The following SMOC2 variants were observed in gnomAD, a reference collection of about 807,000 sequenced individuals.
SMOC2 encodes the protein SPARC related modular calcium binding 2.
SMOC2 carries 39 observed loss-of-function variants against 61.4 expected under a neutral mutation model. The ratio of observed to expected loss-of-function variants is 0.64; its 90% CI spans 0.49 to 0.83. SMOC2 has a LOEUF of 0.83. Among genes scored for constraint, SMOC2 ranks in the 40% least tolerant of loss-of-function variants. The pLI is 0.00. For synonymous variants in SMOC2, 247 were observed against 239.9 expected, an observed-to-expected ratio of 1.03 and a Z score of -0.27; for missense variants, 556 against 592.9, an observed-to-expected ratio of 0.94 and a Z score of 0.65.
At chr6:168,624,792 CACAG>C (rs1198146359) in intron 9 of SMOC2, among the ~76,000 whole-genome samples, 1 of 114,064 alleles carries the variant, frequency 8.8e-6, no homozygotes, top group Non-Finnish European at 1.9e-5. Context: ...TACAGATACA[CACAG>C]ACACATGCAC....
At chr6:168,525,666 G>A (rs921610657) in intron 2 of SMOC2, among the ~76,000 whole-genome samples, 3 of 152,142 alleles carry the variant, frequency 2.0e-5, no homozygotes, top group East Asian at 1.9e-4. Flanking sequence ...CTGGGGCAGA[G>A]GATGAGGCTT....
intron 2 of SMOC2, 85 bp from the exon 3 acceptor site, chr6:168,526,261 T>C: frequency 8.0e-7 from 1 of 1,253,902 alleles, no homozygotes; most frequent in Non-Finnish European, 1.2e-6. Flanking sequence ...GCCTAACTCA[T>C]GCCTTCACAT....
In SMOC2 at chr6:168,497,563, C is replaced by T. The variant is rs546009045; in HGVS notation, c.85-12352C>T. Among the ~76,000 whole-genome samples the T allele has an allele frequency of 5.9e-5, 9 of 152,196 alleles. No homozygotes were observed. In the East Asian group the frequency reaches 9.7e-4, roughly 16 times the overall value. ...AGTGGGCACGCAGATCCCTCAGTGA[C>T]GGGGGAAGCAGGTTCCTAGGAGTCC... On this transcript the variant is annotated intron_variant, in intron 1 of 12. Coordinates refer to ENST00000356284, the MANE Select transcript of SMOC2 (RefSeq NM_001166412.2).
intron 2 of SMOC2, among the ~76,000 whole-genome samples, chr6:168,519,957 C>T (rs906374656): frequency 6.6e-6 from 1 of 152,040 alleles, no homozygotes; most frequent in Non-Finnish European, 1.5e-5. Flanking sequence ...AATTTTGTTT[C>T]TGCCTTTATG....
At chr6:168,617,593 T>A (rs1459964885) in intron 9 of SMOC2, among the ~76,000 whole-genome samples, 5 of 152,180 alleles carry the variant, frequency 3.3e-5, no homozygotes, top group Non-Finnish European at 7.3e-5. Flanking sequence ...CTGTCTCTGC[T>A]CCAAGCTCTC....
intron 4 of SMOC2, 62 bp downstream of exon 4, chr6:168,527,789 C>T (rs1374474476): frequency 4.5e-6 from 5 of 1,118,334 alleles, no homozygotes; most frequent in South Asian, 1.3e-5. Context: ...CGTTTCTTCT[C>T]ATCATCTTCC....
chr6:168,460,425 A>G (rs1781693563), intron 1 of SMOC2, among the ~76,000 whole-genome samples: 2 of 152,258 alleles, frequency 1.3e-5, no homozygotes, highest in Admixed American at 6.5e-5. Flanking sequence ...GAACATTGCT[A>G]TAATGAGGAC....
rs544834495 is a variant in SMOC2 at position 168,527,829 on chromosome 6, C to A, written c.463+102C>A. ...GTTTACTGATAATTCAAAGGGAAATCCAGTTTGGCCGGCATTGTGAGCCAC... is the reference window on the plus strand; with the variant it reads ...GTTTACTGATAATTCAAAGGGAAATACAGTTTGGCCGGCATTGTGAGCCAC... On this transcript the variant is annotated intron_variant, in intron 4 of 12. Coordinates refer to ENST00000356284, the MANE Select transcript of SMOC2 (RefSeq NM_001166412.2). 1.6e-3 allele frequency: 1,401 copies of A among 853,184 alleles called. 4 individuals are homozygous for A. The highest frequency in any genetic ancestry group is 2.3e-3 in the South Asian group (152 of 66,972). 52.9% of individuals were successfully genotyped at this position (853,184 alleles called of 1,614,324 possible).
chr6:168,513,936 G>GTCTTCAGACTCTCCTA (rs1783069529), intron 2 of SMOC2, among the ~76,000 whole-genome samples: 1 of 152,200 alleles, frequency 6.6e-6, no homozygotes, highest in African/African-American at 2.4e-5. Context: ...CGCCCGGCCT[G>GTCTTCAGACTCTCCTA]TCTTCAGACT....
intron 1 of SMOC2, among the ~76,000 whole-genome samples, chr6:168,506,009 G>A (rs1374641265): frequency 7.9e-6 from 1 of 126,910 alleles, no homozygotes; most frequent in Non-Finnish European, 1.7e-5. Context: ...GTGTGCTTTT[G>A]AGAATTTTTT....
Position 168,581,210 on chromosome 6 carries a change from C to A in SMOC2, c.638-17608C>A, listed in dbSNP as rs534271618. Among the ~76,000 whole-genome samples, 14 of 152,224 alleles carry A rather than the reference C, an allele frequency of 9.2e-5. No individual in the cohort carries two copies. In the South Asian group the frequency reaches 1.2e-3, roughly 14 times the overall value. ...CTTTTAAAATTTTATATTTTATTTT[C>A]TTTGATCATCTTATTTAAATGTTGT... is the stretch of plus-strand genomic sequence containing the variant. On this transcript the variant is annotated intron_variant, in intron 7 of 12. Coordinates refer to ENST00000356284, the MANE Select transcript of SMOC2 (RefSeq NM_001166412.2).
chr6:168,485,846 G>T (rs150929432), intron 1 of SMOC2, among the ~76,000 whole-genome samples: 8 of 152,164 alleles, frequency 5.3e-5, no homozygotes, highest in Admixed American at 5.2e-4. Flanking sequence ...ATCTCAACAT[G>T]CATGGATTAG....
chr6:168,599,382 CCACACTCACACA>C (rs1785443404), intron 8 of SMOC2, among the ~76,000 whole-genome samples: 2 of 128,986 alleles, frequency 1.6e-5, no homozygotes, highest in Non-Finnish European at 3.2e-5. Flanking sequence ...CCACACACAC[CCACACTCACACA>C]CACACTGACA....
At chr6:168,614,359 C>T (rs1189818282) in intron 9 of SMOC2, among the ~76,000 whole-genome samples, 2 of 83,996 alleles carry the variant, frequency 2.4e-5, no homozygotes, top group Admixed American at 1.4e-4. Flanking sequence ...CTCTTCATAC[C>T]TACAGCCAGC....
At chr6:168,499,505 G>A (rs1430650885) in intron 1 of SMOC2, among the ~76,000 whole-genome samples, 2 of 152,212 alleles carry the variant, frequency 1.3e-5, no homozygotes, top group East Asian at 1.9e-4. Flanking sequence ...GAGCTATGAA[G>A]TGTGCGGCAG....
chr6:168,645,858 G>A (rs1787017007), intron 9 of SMOC2, among the ~76,000 whole-genome samples: 2 of 152,294 alleles, frequency 1.3e-5, no homozygotes, highest in Admixed American at 6.5e-5. Flanking sequence ...CTGGCGAATT[G>A]GAGCACAGGC....
At chr6:168,640,696 G>A (rs1189267695) in intron 9 of SMOC2, among the ~76,000 whole-genome samples, 2 of 152,122 alleles carry the variant, frequency 1.3e-5, no homozygotes, top group Non-Finnish European at 2.9e-5. Flanking sequence ...CTATCTTGTT[G>A]TTAAGACTGA....
intron 4 of SMOC2, among the ~76,000 whole-genome samples, chr6:168,531,793 A>C (rs1583086039): frequency 6.6e-6 from 1 of 152,206 alleles, no homozygotes; most frequent in East Asian, 1.9e-4. Context: ...GAAGTGGCAG[A>C]GCTGGGATGT....
At chr6:168,607,584 C>CT (rs1583155284) in intron 8 of SMOC2, among the ~76,000 whole-genome samples, 1 of 109,754 alleles carries the variant, frequency 9.1e-6, no homozygotes, top group African/African-American at 3.4e-5. Flanking sequence ...ACCAGAGAGT[C>CT]GTTTTTTTTT....
Sources: allele counts gnomAD v4.1 joint callset (sites outside exome capture counted in the v4.1 genomes callset), GRCh38; gene constraint gnomAD v4.1.1; transcripts MANE v1.5; gene names NCBI Gene and HGNC (gene_info 2026-07-23, HGNC 2026-07-21).